The following OPCML variants were observed in gnomAD, a reference collection of about 807,000 sequenced individuals.
OPCML encodes opioid binding protein/cell adhesion molecule like.
OPCML carries 13 observed loss-of-function variants against 37.8 expected under a neutral mutation model. The ratio of observed to expected loss-of-function variants is 0.34; its 90% CI spans 0.22 to 0.55. The LOEUF is 0.55. Among genes scored for constraint, OPCML ranks in the 20% least tolerant of loss-of-function variants. OPCML has a pLI of 0.91. For missense variants in OPCML, 341 were observed against 435.6 expected (o/e 0.78, Z 1.93); for synonymous variants, 176 against 168.8 (o/e 1.04, Z -0.33).
intron 3 of OPCML, among the ~76,000 whole-genome samples, chr11:132,567,864 T>C (rs2096427583): frequency 1.3e-5 from 2 of 152,186 alleles, no homozygotes; most frequent in Admixed American, 6.5e-5. Context: ...GGGCCTGGTG[T>C]TGCACAGAAC....
chr11:133,242,648 T>A (rs1189759900), intron 1 of OPCML, among the ~76,000 whole-genome samples: 1 of 152,168 alleles, frequency 6.6e-6, no homozygotes, highest in East Asian at 1.9e-4. Context: ...TGTAATTACC[T>A]CTTTTTAAAG....
intron 2 of OPCML, among the ~76,000 whole-genome samples, chr11:132,834,044 G>C (rs1448325180): frequency 6.6e-6 from 1 of 152,188 alleles, no homozygotes; most frequent in African/African-American, 2.4e-5. Flanking sequence ...AAGATTATGA[G>C]ACTTAATGAA....
chr11:132,656,967 C>T, intron 3 of OPCML, 120 bp downstream of exon 3: 3 of 1,478,518 alleles, frequency 2.0e-6, no homozygotes, highest in East Asian at 4.8e-5. Flanking sequence ...TAGTCAAACT[C>T]TGAATTCAGT....
chr11:132,960,129 A>G lies in OPCML; in HGVS notation c.62-17119T>C, dbSNP rs183246252. ...CCTACTACTGCCACCGTTAATAACA[A>G]TAGTAAACAATGTACTGCGTGCACG... On this transcript the variant is annotated intron_variant, in intron 1 of 7. Transcript: ENST00000524381. 7.2e-5 allele frequency among the ~76,000 whole-genome samples: 11 copies of G among 152,360 alleles called. No homozygotes were observed. In the East Asian group the frequency reaches 2.1e-3, roughly 29 times the overall value.
intron 2 of OPCML, among the ~76,000 whole-genome samples, chr11:132,849,940 C>G (rs1478684554): frequency 6.6e-6 from 1 of 152,212 alleles, no homozygotes; most frequent in Non-Finnish European, 1.5e-5. Context: ...GCTGTGTCCA[C>G]TCGAGCAGAT....
intron 1 of OPCML, among the ~76,000 whole-genome samples, chr11:133,497,534 A>C (rs895368153): frequency 1.2e-4 from 18 of 152,030 alleles, no homozygotes; most frequent in Non-Finnish European, 2.2e-4. Flanking sequence ...TCTTGTTACT[A>C]CGATGCTTTC....
intron 3 of OPCML, among the ~76,000 whole-genome samples, chr11:132,534,766 T>C (rs2096335820): frequency 6.6e-6 from 1 of 152,154 alleles, no homozygotes. Flanking sequence ...CTCTTCAGGT[T>C]GTTGCAAGAA....
At chr11:133,349,978 G>A (rs530328293) in intron 1 of OPCML, among the ~76,000 whole-genome samples, 1 of 152,284 alleles carries the variant, frequency 6.6e-6, no homozygotes, top group South Asian at 2.1e-4. Context: ...TCTGCTCAGC[G>A]TTGGAACAGA....
chr11:133,052,944 G>A (rs537773814), intron 1 of OPCML, among the ~76,000 whole-genome samples: 1 of 152,306 alleles, frequency 6.6e-6, no homozygotes, highest in South Asian at 2.1e-4. Context: ...AGACTTTTGA[G>A]ATATCTGAAT....
intron 1 of OPCML, among the ~76,000 whole-genome samples, chr11:133,019,099 G>A (rs1308671831): frequency 6.6e-6 from 1 of 152,224 alleles, no homozygotes; most frequent in Non-Finnish European, 1.5e-5. Context: ...ACCAGAGCAG[G>A]ACTGTCTTGC....
intron 1 of OPCML, chr11:133,300,113 G>A (rs1942742364): frequency 6.6e-6 from 1 of 152,156 alleles, no homozygotes; most frequent in Non-Finnish European, 1.5e-5. Context: ...AATCACTATG[G>A]CAGAACTTAG....
chr11:133,437,047 ATTTCT>A (rs1459256030), intron 1 of OPCML, among the ~76,000 whole-genome samples: 3 of 152,188 alleles, frequency 2.0e-5, no homozygotes, highest in African/African-American at 7.2e-5. Flanking sequence ...CACCTGCTTC[ATTTCT>A]TTTCATCTAA....
chr11:133,140,898 CGACGACGACGAAGAA>C (rs1565468402), intron 1 of OPCML, among the ~76,000 whole-genome samples: 3 of 3,274 alleles, frequency 9.2e-4, no homozygotes, highest in African/African-American at 1.2e-3. Context: ...ACGACGAAGA[CGACGACGACGAAGAA>C]GAAGAAGACG....
intron 3 of OPCML, among the ~76,000 whole-genome samples, chr11:132,600,777 G>C (rs1015001209): frequency 2.7e-5 from 4 of 150,204 alleles, no homozygotes; most frequent in Admixed American, 6.6e-5. Context: ...TCATAATTTT[G>C]AGTGACTTGT....
intron 1 of OPCML, among the ~76,000 whole-genome samples, chr11:133,500,741 G>A (rs1171933818): frequency 1.3e-5 from 2 of 152,200 alleles, no homozygotes; most frequent in African/African-American, 4.8e-5. Flanking sequence ...GACCCCAGCA[G>A]GCTGGAGTTC....
At chr11:133,006,592 C>T (rs1167673296) in intron 1 of OPCML, 7 of 985,318 alleles carry the variant, frequency 7.1e-6, no homozygotes, top group Admixed American at 6.1e-5. Flanking sequence ...AGTTGAAAGT[C>T]GCTGGCCGAA....
At chr11:132,450,992 G>T (rs75208588) in intron 4 of OPCML, among the ~76,000 whole-genome samples, 4,433 of 152,212 alleles carry the variant, frequency 0.029, 199 homozygotes, top group East Asian at 0.17. Flanking sequence ...GTGCATGGGT[G>T]TGTGTATGTG....
intron 2 of OPCML, among the ~76,000 whole-genome samples, chr11:132,749,236 G>A (rs970085861): frequency 6.6e-6 from 1 of 152,174 alleles, no homozygotes; most frequent in Non-Finnish European, 1.5e-5. Context: ...TTCCAGGGCT[G>A]TGAGAAATAA....
chr11:133,412,744 A>G (rs1479005124), intron 1 of OPCML, among the ~76,000 whole-genome samples: 3 of 152,206 alleles, frequency 2.0e-5, no homozygotes, highest in Admixed American at 6.5e-5. Context: ...GAAAGTGGTA[A>G]ATGAGATTGG....
Sources: gnomAD v4.1 joint callset for allele counts (sites outside exome capture counted in the v4.1 genomes callset) on GRCh38, gnomAD v4.1.1 for gene constraint, MANE v1.5 for transcripts, NCBI Gene and HGNC (gene_info 2026-07-23, HGNC 2026-07-21) for gene names.